The following MBNL2 variants were observed in gnomAD, a reference collection of about 807,000 sequenced individuals.
MBNL2 encodes the protein muscleblind-like protein 2.
Under a neutral mutation model 41.9 loss-of-function variants are expected in MBNL2, and 17 were observed. The observed-to-expected ratio is 0.41, with a 90% CI of 0.28 to 0.61. The LOEUF is 0.61. Among genes scored for constraint, MBNL2 ranks in the 20% least tolerant of loss-of-function variants. MBNL2 has a pLI of 0.35. For synonymous variants in MBNL2, 195 were observed against 182.9 expected (o/e 1.07, Z -0.53); for missense variants, 336 against 505.6 (o/e 0.66, Z 3.22).
intron 2 of MBNL2, among the ~76,000 whole-genome samples, chr13:97,309,470 G>C (rs2058393590): frequency 6.6e-6 from 1 of 152,212 alleles, no homozygotes; most frequent in South Asian, 2.1e-4. Flanking sequence ...ATGGAAGACA[G>C]TGTGAAGAGA....
chr13:97,144,909 A>G, the MBNL2 span, among the ~76,000 whole-genome samples: 2 of 152,236 alleles, frequency 1.3e-5, no homozygotes, highest in African/African-American at 4.8e-5. Flanking sequence ...TGTGAAGGTT[A>G]CATAATGACA....
chr13:97,282,244 A>G (rs1021082145), intron 2 of MBNL2, among the ~76,000 whole-genome samples: 8 of 152,192 alleles, frequency 5.3e-5, no homozygotes, highest in South Asian at 2.1e-4. Context: ...GATTCCAGCT[A>G]CTTGGGAGGC....
At chr13:97,286,161 C>T (rs2054392734) in intron 2 of MBNL2, among the ~76,000 whole-genome samples, 2 of 152,166 alleles carry the variant, frequency 1.3e-5, no homozygotes, top group African/African-American at 2.4e-5. Flanking sequence ...CAACTGCTTA[C>T]CTGACATATC....
chr13:97,281,017 T>C (rs149979344), intron 2 of MBNL2, among the ~76,000 whole-genome samples: 1 of 152,334 alleles, frequency 6.6e-6, no homozygotes, highest in East Asian at 1.9e-4. Flanking sequence ...TCTGTCTCCC[T>C]CCTCCACTCT....
chr13:97,267,436 C>T (rs1186236284), intron 1 of MBNL2, among the ~76,000 whole-genome samples: 4 of 152,230 alleles, frequency 2.6e-5, no homozygotes, highest in Non-Finnish European at 4.4e-5. Context: ...GGAAATACTA[C>T]AGAACCTCGT....
At chr13:97,187,863 C>A in the MBNL2 span, among the ~76,000 whole-genome samples, 4 of 149,930 alleles carry the variant, frequency 2.7e-5, no homozygotes, top group African/African-American at 4.9e-5. Flanking sequence ...GAGCTGAGAT[C>A]GCGCCACCGC....
At chr13:97,176,212 G>T in the MBNL2 span, among the ~76,000 whole-genome samples, 1 of 152,144 alleles carries the variant, frequency 6.6e-6, no homozygotes, top group African/African-American at 2.4e-5. Flanking sequence ...GAAACTGAAA[G>T]AATTAGCAGG....
intron 8 of MBNL2, among the ~76,000 whole-genome samples, chr13:97,369,286 C>A (rs771112889): frequency 1.3e-5 from 2 of 152,120 alleles, no homozygotes; most frequent in Non-Finnish European, 1.5e-5. Context: ...TTATGTAAGT[C>A]ATTTAAACAT....
chr13:97,298,612 C>G (rs2057307352), intron 2 of MBNL2, among the ~76,000 whole-genome samples: 1 of 152,200 alleles, frequency 6.6e-6, no homozygotes, highest in Non-Finnish European at 1.5e-5. Flanking sequence ...CTCACCTTTT[C>G]TTTCTCCTCC....
chr13:97,373,605 A>AATATATATATATATATATAT (rs35049420), intron 8 of MBNL2, among the ~76,000 whole-genome samples: 6 of 145,410 alleles, frequency 4.1e-5, no homozygotes, highest in African/African-American at 1.5e-4. Context: ...GTATGCTAAA[A>AATATATATATATATATATAT]ATATATATAT....
upstream of MBNL2, among the ~76,000 whole-genome samples, chr13:97,218,103 G>T (rs921062186): frequency 1.1e-4 from 17 of 152,102 alleles, no homozygotes; most frequent in African/African-American, 4.1e-4. Flanking sequence ...AGTCATCTCT[G>T]GTACATTTAG....
chr13:97,258,198 T>G (rs1175517820), intron 1 of MBNL2, among the ~76,000 whole-genome samples: 1 of 151,822 alleles, frequency 6.6e-6, no homozygotes, highest in Non-Finnish European at 1.5e-5. Flanking sequence ...GAAGATATGC[T>G]TTGTTGCCAG....
At chr13:97,356,422 ATT>A (rs11349752) in intron 5 of MBNL2, among the ~76,000 whole-genome samples, 2 of 151,324 alleles carry the variant, frequency 1.3e-5, no homozygotes, top group East Asian at 1.9e-4. Context: ...CAAATTTTGC[ATT>A]TTTTTTTCTG....
intron 3 of MBNL2, among the ~76,000 whole-genome samples, chr13:97,336,487 G>A (rs779254575): frequency 1.3e-5 from 2 of 152,132 alleles, no homozygotes; most frequent in Admixed American, 6.5e-5. Flanking sequence ...AGTTGCAAGC[G>A]TCCTTATAAG....
At chr13:97,191,339 C>T in the MBNL2 span, among the ~76,000 whole-genome samples, 10 of 149,514 alleles carry the variant, frequency 6.7e-5, no homozygotes, top group African/African-American at 2.5e-4. Flanking sequence ...ATTCAAGCTG[C>T]GAGGCAGTAA....
the MBNL2 span, among the ~76,000 whole-genome samples, chr13:97,186,754 A>T: frequency 1.2e-4 from 18 of 152,176 alleles, no homozygotes; most frequent in Non-Finnish European, 2.4e-4. Context: ...GAAAGAAGTG[A>T]TTCCTATCAT....
intron 5 of MBNL2, among the ~76,000 whole-genome samples, chr13:97,349,597 G>A (rs2062236960): frequency 6.6e-6 from 1 of 152,162 alleles, no homozygotes; most frequent in Admixed American, 6.5e-5. Flanking sequence ...GTGCGATCTT[G>A]GCTCACTGGA....
chr13:97,160,966 GT>G, the MBNL2 span, among the ~76,000 whole-genome samples: 16 of 152,316 alleles, frequency 1.1e-4, no homozygotes, highest in Middle Eastern at 3.4e-3. Context: ...ATTTTCTGTG[GT>G]TTTTTGAAGA....
chr13:97,208,778 A>G, the MBNL2 span, among the ~76,000 whole-genome samples: 1 of 152,242 alleles, frequency 6.6e-6, no homozygotes, highest in African/African-American at 2.4e-5. Flanking sequence ...TTAACTGGGC[A>G]GATGTGTACA....
Sources: gnomAD v4.1 joint callset for allele counts (sites outside exome capture counted in the v4.1 genomes callset) on GRCh38, gnomAD v4.1.1 for gene constraint, MANE v1.5 for transcripts, NCBI Gene and HGNC (gene_info 2026-07-23, HGNC 2026-07-21) for gene names.